The following USP28 variants were observed in gnomAD, a reference collection of about 807,000 sequenced individuals.
The protein encoded by USP28 is ubiquitin carboxyl-terminal hydrolase 28.
USP28 carries 113 observed loss-of-function variants against 145.0 expected under a neutral mutation model. The observed-to-expected ratio is 0.78, with a 90% CI of 0.67 to 0.91. USP28 has a LOEUF of 0.91. Ranked by LOEUF, USP28 falls within the 40% of genes least tolerant of loss-of-function variation. The pLI, the probability that USP28 is intolerant of heterozygous loss-of-function variation, is 0.00. For missense variants in USP28, 1,201 were observed against 1,289.6 expected, an observed-to-expected ratio of 0.93 and a Z score of 1.05; for synonymous variants, 447 against 450.9, an observed-to-expected ratio of 0.99 and a Z score of 0.11.
At chr11:113,811,264 G>T (rs1486047271) in intron 16 of USP28, among the ~76,000 whole-genome samples, 1 of 152,192 alleles carries the variant, frequency 6.6e-6, no homozygotes, top group Non-Finnish European at 1.5e-5. Context: ...TTTCACAGCT[G>T]TAAGTTCTTA....
intron 1 of USP28, among the ~76,000 whole-genome samples, chr11:113,859,910 C>T (rs1348523468): frequency 5.8e-4 from 89 of 152,308 alleles, no homozygotes; most frequent in African/African-American, 2.1e-3. Context: ...GACAGGCAAA[C>T]ACAAACCTTT....
At chr11:113,847,739 G>A (rs11214740) in intron 3 of USP28, among the ~76,000 whole-genome samples, 77,687 of 152,076 alleles carry the variant, frequency 0.51, 20,955 homozygotes, top group Non-Finnish European at 0.6. Context: ...ATATGACCCA[G>A]CAATTCTATT....
At chr11:113,834,737 A>G (rs1176354885) in intron 5 of USP28, among the ~76,000 whole-genome samples, 1 of 152,210 alleles carries the variant, frequency 6.6e-6, no homozygotes, top group Admixed American at 6.5e-5. Context: ...AGTTTATATA[A>G]ACTATACTAC....
chr11:113,854,453 G>T (rs760106176), intron 1 of USP28, 118 bp from the exon 2 acceptor site: 9 of 915,116 alleles, frequency 9.8e-6, no homozygotes, highest in Middle Eastern at 2.3e-4. Context: ...CCAGGCTGGA[G>T]TGCAGTGGCC....
At chr11:113,834,589 G>T (rs189241844) in intron 5 of USP28, among the ~76,000 whole-genome samples, 11 of 152,166 alleles carry the variant, frequency 7.2e-5, no homozygotes, top group African/African-American at 2.6e-4. Context: ...TTTTGTTTTG[G>T]TTTGGTTTTG....
At chr11:113,807,978 T>C in intron 18 of USP28, 1 of 1,172,918 alleles carries the variant, frequency 8.5e-7, no homozygotes, top group South Asian at 2.1e-5. Flanking sequence ...CTGCATCAGA[T>C]CTAACCAGAA....
rs960204821 is a variant in USP28, at chr11:113,875,326, C to A, written c.57+119G>T. 3.1e-4 allele frequency: 262 copies of A among 852,482 alleles called. 1 individual carries two copies. The African/African-American group carries it at 4.5e-3, about 15-fold the overall frequency. 52.8% of individuals were successfully genotyped at this position (852,482 alleles called of 1,614,324 possible). ...TCACCCACGCTGGCGGGCGCACCCC[C>A]TGTCCCGCCCGGCCGGGGCGCCCTC... On this transcript the variant is annotated intron_variant, in intron 1 of 24. Coordinates refer to ENST00000003302, the Ensembl canonical transcript of USP28.
At chr11:113,812,562 T>C in intron 15 of USP28, 58 bp from the exon 16 acceptor site, 1 of 1,476,386 alleles carries the variant, frequency 6.8e-7, no homozygotes, top group South Asian at 1.2e-5. Flanking sequence ...TGATAAAGTT[T>C]AGGTTATTAA....
exon 3 of USP28, chr11:113,852,520 G>A: frequency 6.2e-7 from 1 of 1,614,092 alleles, no homozygotes; most frequent in Non-Finnish European, 8.5e-7. Context: ...CTTCCTTGTT[G>A]GCAGCACTCC....
exon 6 of USP28, chr11:113,834,296 T>C (rs2136017228): frequency 8.1e-6 from 13 of 1,611,668 alleles, no homozygotes; most frequent in Non-Finnish European, 1.1e-5. Context: ...AGACTATAAC[T>C]GAGAACAAGT....
rs371877940 is a variant in USP28 at position 113,864,182 on chromosome 11, A to G, written c.58-9847T>C. Among the ~76,000 whole-genome samples, 9 of 152,242 alleles carry G rather than the reference A, an allele frequency of 5.9e-5. No individual in the cohort carries two copies. The East Asian group carries it at 1.7e-3, about 29-fold the overall frequency. ...CTTGAACTCCAGAGGTGGAGGCTGC[A>G]GTGAGCCAAGATCTCACCACTGCAC... is the stretch of plus-strand genomic sequence containing the variant. On this transcript the variant is annotated intron_variant, in intron 1 of 24. Transcript: ENST00000003302.
chr11:113,847,219 G>T (rs1945963233), intron 3 of USP28, among the ~76,000 whole-genome samples: 1 of 151,646 alleles, frequency 6.6e-6, no homozygotes. Flanking sequence ...CACAAAAGAG[G>T]GCAACCAGAC....
intron 18 of USP28, among the ~76,000 whole-genome samples, chr11:113,807,088 T>G (rs75397454): frequency 1.2e-3 from 183 of 152,076 alleles, no homozygotes; most frequent in Non-Finnish European, 2.2e-3. Context: ...TTTTTTTTTT[T>G]GGGAGACAGA....
intron 24 of USP28, among the ~76,000 whole-genome samples, chr11:113,800,738 G>A (rs1938842235): frequency 1.3e-5 from 2 of 151,982 alleles, no homozygotes; most frequent in South Asian, 4.2e-4. Flanking sequence ...AGCAAGGACA[G>A]TCCACTAATT....
chr11:113,857,106 C>T (rs1268700332), intron 1 of USP28, among the ~76,000 whole-genome samples: 6 of 152,292 alleles, frequency 3.9e-5, no homozygotes, highest in South Asian at 2.1e-4. Flanking sequence ...AATGTCTTCA[C>T]GGCAGTCCTG....
At chr11:113,835,891 ACC>A (rs1261275193) in intron 5 of USP28, among the ~76,000 whole-genome samples, 1 of 152,024 alleles carries the variant, frequency 6.6e-6, no homozygotes. Context: ...GACCAGCCTG[ACC>A]AACATGGAGA....
intron 14 of USP28, 43 bp from the exon 15 acceptor site, chr11:113,813,998 C>T: frequency 6.9e-7 from 1 of 1,441,008 alleles, no homozygotes; most frequent in Non-Finnish European, 9.6e-7. Context: ...AAAATGATCT[C>T]ATTCTATGTC....
chr11:113,826,190 G>A (rs1181695009), intron 11 of USP28, among the ~76,000 whole-genome samples: 3 of 150,916 alleles, frequency 2.0e-5, no homozygotes, highest in Non-Finnish European at 4.4e-5. Context: ...GGCTGACACA[G>A]GAGAATCGCT....
chr11:113,808,257 A>G, intron 18 of USP28, 41 bp downstream of exon 18: 1 of 1,594,048 alleles, frequency 6.3e-7, no homozygotes. Flanking sequence ...CGCTGCTGAA[A>G]GCCCGGCTCT....
Sources: gnomAD v4.1 joint callset for allele counts (sites outside exome capture counted in the v4.1 genomes callset) on GRCh38, gnomAD v4.1.1 for gene constraint, MANE v1.5 for transcripts, NCBI Gene and HGNC (gene_info 2026-07-23, HGNC 2026-07-21) for gene names.